Variants in HSPB8 observed in about 807,000 individuals in gnomAD.
HSPB8 encodes the protein heat shock protein family B (small) member 8.
In HSPB8, 9 loss-of-function variants were observed where a neutral mutation model predicts 16.5. That is an observed-to-expected ratio of 0.55 (90% CI 0.33 to 0.95). HSPB8 has a LOEUF of 0.95. Among genes scored for constraint, HSPB8 ranks in the 40% least tolerant of loss-of-function variants. HSPB8 has a pLI of 0.03. For synonymous variants in HSPB8, 99 were observed against 94.8 expected, an observed-to-expected ratio of 1.04 and a Z score of -0.26; for missense variants, 238 against 251.2, an observed-to-expected ratio of 0.95 and a Z score of 0.35.
intron 1 of HSPB8, among the ~76,000 whole-genome samples, chr12:119,184,415 G>C (rs1954660181): frequency 6.6e-6 from 1 of 152,162 alleles, no homozygotes. Flanking sequence ...GAGGATTCTA[G>C]GATGCAAAAG....
At position 119,179,553 on chromosome 12, in the gene HSPB8, G is replaced by A. The variant is rs767880226; in HGVS notation, c.241G>A (p.Val81Met). The A allele has an allele frequency of 1.2e-6, 2 of 1,613,488 alleles. No homozygotes were observed. The highest frequency in any genetic ancestry group is 1.7e-6 in the Non-Finnish European group (2 of 1,179,746). The change falls in exon 1 of 3, where the codon GTG becomes ATG. Residue 81 changes from valine to methionine, a missense_variant. By Grantham distance (21) the Val-to-Met change is conservative. Transcript: ENST00000281938. ...RGPTATARFG[V>M]PAEGRTPPPF... ...CCCCACTGCCACCGCCAGGTTTGGG[G>A]TGCCTGCCGAGGGCAGGACCCCCCC... is the stretch of plus-strand genomic sequence containing the variant.
rs754993844 is a variant in HSPB8 at position 119,187,048 on chromosome 12, G to A, written c.391G>A (p.Glu131Lys). Reference protein sequence around the residue: ...VSGKHEEKQQEGGIVSKNFTK... With the variant: ...VSGKHEEKQQKGGIVSKNFTK... ...AGGCAAACATGAAGAGAAACAGCAA[G>A]AAGGTGGCATTGTTTCTAAGAACTT... The change falls in exon 2 of 3, where the codon GAA becomes AAA. Residue 131 changes from glutamate (E) to lysine (K), a missense_variant. Transcript: ENST00000281938. The A allele has an allele frequency of 4.4e-5, 71 of 1,614,028 alleles. No homozygotes were observed. In the South Asian group the frequency reaches 7.4e-4, roughly 17 times the overall value.
At chr12:119,186,839 G>C (rs1954679145) in intron 1 of HSPB8, 186 bp from the exon 2 acceptor site, 2 of 636,296 alleles carry the variant, frequency 3.1e-6, no homozygotes, top group African/African-American at 3.6e-5. Context: ...AGCCAGCCTT[G>C]GAAGTGGACT....
chr12:119,180,890 C>T (rs182339791), intron 1 of HSPB8, among the ~76,000 whole-genome samples: 13 of 152,258 alleles, frequency 8.5e-5, no homozygotes, highest in Non-Finnish European at 1.5e-4. Flanking sequence ...ATCAGAGGCT[C>T]CAGCGGGTGT....
At chr12:119,181,113 G>T (rs1322552162) in intron 1 of HSPB8, among the ~76,000 whole-genome samples, 1 of 152,194 alleles carries the variant, frequency 6.6e-6, no homozygotes, top group East Asian at 1.9e-4. Context: ...TTTAAGTGAG[G>T]TGATGCTGTA....
In HSPB8 at chr12:119,179,117, C is replaced by A. The variant is rs1954616153; in HGVS notation, c.-196C>A. 1 of 662,570 alleles carries A rather than the reference C, an allele frequency of 1.5e-6. No individual in the cohort carries two copies. Among genetic ancestry groups the A allele is most frequent in the Admixed American group, 2.1e-5 (1 of 46,634 alleles). 41.0% of individuals were successfully genotyped at this position (662,570 alleles called of 1,614,324 possible). Reference sequence around the variant, plus strand: ...TCTGCTGGATCTGCCCCGGGGGTTACCTTTGGGGGCTGGGACCCCAGTCGA... The same window carrying A: ...TCTGCTGGATCTGCCCCGGGGGTTAACTTTGGGGGCTGGGACCCCAGTCGA... On this transcript the variant is annotated 5_prime_UTR_variant, in exon 1 of 3. Transcript: ENST00000281938.
In HSPB8 at chr12:119,193,727, G is replaced by A; in HGVS notation, c.460G>A (p.Val154Ile). The change falls in exon 3 of 3, where the codon GTA becomes ATA. Residue 154 changes from valine to isoleucine, a missense_variant. Transcript: ENST00000281938. ...QLPAEVDPVT[V>I]FASLSPEGLL... The stretch of plus-strand genomic sequence containing the variant: ...TCCTGCAGAGGTGGATCCTGTGACA[G>A]TATTTGCCTCACTTTCCCCAGAGGG... 6.2e-7 allele frequency: 1 copy of A among 1,614,206 alleles called. No homozygotes were observed. Among genetic ancestry groups the A allele is most frequent in the South Asian group, 1.1e-5 (1 of 91,086 alleles).
At chr12:119,187,732 C>A (rs942660774) in intron 2 of HSPB8, among the ~76,000 whole-genome samples, 2 of 152,138 alleles carry the variant, frequency 1.3e-5, no homozygotes, top group Non-Finnish European at 2.9e-5. Flanking sequence ...ACAGCCCCTA[C>A]CCATGGGGCA....
intron 2 of HSPB8, 131 bp downstream of exon 2, chr12:119,187,219 C>T (rs1954682316): frequency 4.1e-6 from 3 of 740,690 alleles, no homozygotes; most frequent in Non-Finnish European, 7.2e-6. Flanking sequence ...GGAATTGAAC[C>T]CTCACACCTA....
chr12:119,194,181 G>A lies in HSPB8; in HGVS notation c.*323G>A, dbSNP rs1954730359. 5.4e-6 allele frequency: 2 copies of A among 371,908 alleles called. No individual in the cohort carries two copies. Among genetic ancestry groups the A allele is most frequent in the Non-Finnish European group, 1.0e-5 (2 of 195,926 alleles). 23.0% of individuals were successfully genotyped at this position (371,908 alleles called of 1,614,324 possible). A position where few individuals can be genotyped will look rare whatever the true frequency, so the allele number is the denominator to read the frequency against. ...TAACATTTCACGTTGTATCTTACTT[G>A]CAGTGAATGCAAGGGTTACTTTTCT... On this transcript the variant is annotated 3_prime_UTR_variant, in exon 3 of 3. Transcript: ENST00000281938.
chr12:119,179,012 CCTGGG>C lies in HSPB8; in HGVS notation c.-299_-295del, dbSNP rs1954615247. Reference sequence around the variant, plus strand: ...AGACCTCAGCGGTTCTGGCTGCCAGCCTGGGCAGCCTGGGAAGCCTGGGAGGACGG... The same window carrying C: ...AGACCTCAGCGGTTCTGGCTGCCAGCCAGCCTGGGAAGCCTGGGAGGACGG... On this transcript the variant is annotated 5_prime_UTR_variant, in exon 1 of 3. Coordinates refer to ENST00000281938, the MANE Select transcript of HSPB8 (RefSeq NM_014365.3). 1 of 496,916 alleles carries C rather than the reference CCTGGG, an allele frequency of 2.0e-6. No homozygotes were observed. The highest frequency in any genetic ancestry group is 1.9e-5 in the African/African-American group (1 of 51,578). The allele number at this position is 496,916 out of a possible 1,614,324, so 30.8% of individuals were successfully genotyped here. A position where few individuals can be genotyped will look rare whatever the true frequency, so the allele number is the denominator to read the frequency against.
chr12:119,178,958 T>A lies in HSPB8; in HGVS notation c.-355T>A. 2.7e-6 allele frequency: 1 copy of A among 366,594 alleles called. No homozygotes were observed. The highest frequency in any genetic ancestry group is 5.1e-6 in the Non-Finnish European group (1 of 195,140). 22.7% of individuals were successfully genotyped at this position (366,594 alleles called of 1,614,324 possible). On this transcript the variant is annotated 5_prime_UTR_variant, in exon 1 of 3. Coordinates refer to ENST00000281938, the MANE Select transcript of HSPB8 (RefSeq NM_014365.3). ...AAGAAGTTTCTAGGCGCGCGTGCCC[T>A]GGGTTTATTAAGCTCCTGGCTCCGC... is the stretch of plus-strand genomic sequence containing the variant.
rs1409370118 is a variant in HSPB8, at chr12:119,193,727, GTATT to G, written c.462_465del (p.Phe155ProfsTer9). The G allele has an allele frequency of 6.2e-7, 1 of 1,614,088 alleles. No homozygotes were observed. The highest frequency in any genetic ancestry group is 2.2e-5 in the East Asian group (1 of 44,898). ...TCCTGCAGAGGTGGATCCTGTGACAGTATTTGCCTCACTTTCCCCAGAGGGTCTG... is the reference window on the plus strand; with the variant it reads ...TCCTGCAGAGGTGGATCCTGTGACAGTGCCTCACTTTCCCCAGAGGGTCTG... On this transcript the variant is annotated frameshift_variant, in exon 3 of 3. Coordinates refer to ENST00000281938, the MANE Select transcript of HSPB8 (RefSeq NM_014365.3). LOFTEE classifies it high-confidence loss of function.
chr12:119,193,806 G>C lies in HSPB8; in HGVS notation c.539G>C (p.Ser180Thr). 6.2e-7 allele frequency: 1 copy of C among 1,614,192 alleles called. No homozygotes were observed. Among genetic ancestry groups the C allele is most frequent in the African/African-American group, 1.3e-5 (1 of 75,050 alleles). ...CCTCCTTACTCAACATTTGGAGAGA[G>C]CAGTTTCAACAACGAGCTTCCCCAG... ...QVPPYSTFGE[S>T]SFNNELPQDS... Residue 180 changes from serine (S) to threonine (T), a missense_variant, in exon 3 of 3, where the codon AGC becomes ACC. Coordinates refer to ENST00000281938, the MANE Select transcript of HSPB8 (RefSeq NM_014365.3).
chr12:119,190,552 C>G (rs1290838944), intron 2 of HSPB8, among the ~76,000 whole-genome samples: 1 of 152,186 alleles, frequency 6.6e-6, no homozygotes, highest in African/African-American at 2.4e-5. Flanking sequence ...TTAGGGGAAA[C>G]CAAATTACAG....
chr12:119,187,218 C>T (rs1954682299), intron 2 of HSPB8, 130 bp downstream of exon 2: 1 of 741,726 alleles, frequency 1.3e-6, no homozygotes, highest in African/African-American at 1.7e-5. Flanking sequence ...GGGAATTGAA[C>T]CCTCACACCT....
At chr12:119,191,479 T>C (rs1370272666) in intron 2 of HSPB8, among the ~76,000 whole-genome samples, 1 of 151,984 alleles carries the variant, frequency 6.6e-6, no homozygotes, top group Non-Finnish European at 1.5e-5. Context: ...TTCTTCCAAA[T>C]GGGCTTCCCA....
At position 119,193,740 on chromosome 12, in the gene HSPB8, T is replaced by A; in HGVS notation, c.473T>A (p.Leu158His). Residue 158 changes from leucine (L) to histidine (H), a missense_variant, in exon 3 of 3, where the codon CTT becomes CAT. Coordinates refer to ENST00000281938, the MANE Select transcript of HSPB8 (RefSeq NM_014365.3). ...EVDPVTVFAS[L>H]SPEGLLIIEA... The stretch of plus-strand genomic sequence containing the variant: ...GATCCTGTGACAGTATTTGCCTCAC[T>A]TTCCCCAGAGGGTCTGCTGATCATC... 1 of 1,614,246 alleles carries A rather than the reference T, an allele frequency of 6.2e-7. No individual in the cohort carries two copies. The highest frequency in any genetic ancestry group is 8.5e-7 in the Non-Finnish European group (1 of 1,180,038).
chr12:119,193,322 T>C lies in HSPB8; in HGVS notation c.432-377T>C, dbSNP rs112475138. On this transcript the variant is annotated intron_variant, in intron 2 of 2. Transcript: ENST00000281938. ...GTAGTGGTGCCATTTCTGCTAGTAA[T>C]TGTGGTCAGTAGTGGGTATTAAGGT... is the stretch of plus-strand genomic sequence containing the variant. 1.7e-3 allele frequency among the ~76,000 whole-genome samples: 266 copies of C among 152,320 alleles called. 1 individual carries two copies. The highest frequency in any genetic ancestry group is 5.7e-3 in the African/African-American group (239 of 41,580).
Sources: allele counts gnomAD v4.1 joint callset (sites outside exome capture counted in the v4.1 genomes callset), GRCh38; gene constraint gnomAD v4.1.1; transcripts MANE v1.5; gene names NCBI Gene and HGNC (gene_info 2026-07-23, HGNC 2026-07-21).